The following LDB2 variants were observed in gnomAD, a reference collection of about 807,000 sequenced individuals.
LDB2 encodes the protein LIM domain-binding protein 2.
Under a neutral mutation model 44.3 loss-of-function variants are expected in LDB2, and 12 were observed. The ratio of observed to expected loss-of-function variants is 0.27; its 90% confidence interval spans 0.17 to 0.44. LDB2 has a LOEUF of 0.44. Ranked by LOEUF, LDB2 falls within the 20% of genes least tolerant of loss-of-function variation. LDB2 has a pLI of 1.00. For missense variants in LDB2, 344 were observed against 473.5 expected, an observed-to-expected ratio of 0.73 and a Z score of 2.54; for synonymous variants, 164 against 174.8, an observed-to-expected ratio of 0.94 and a Z score of 0.49.
At chr4:16,701,517 C>T (rs1753425854) in intron 2 of LDB2, among the ~76,000 whole-genome samples, 1 of 152,192 alleles carries the variant, frequency 6.6e-6, no homozygotes, top group East Asian at 1.9e-4. Flanking sequence ...CAAGGCTAAG[C>T]ATTTAGCATA....
chr4:16,888,273 C>G (rs531928951), intron 1 of LDB2, among the ~76,000 whole-genome samples: 20 of 152,314 alleles, frequency 1.3e-4, no homozygotes, highest in Non-Finnish European at 2.8e-4. Flanking sequence ...GAAAGGGAAC[C>G]TTTTAATGTT....
intron 1 of LDB2, among the ~76,000 whole-genome samples, chr4:16,763,004 A>G (rs1474093439): frequency 6.6e-6 from 1 of 151,988 alleles, no homozygotes; most frequent in East Asian, 1.9e-4. Flanking sequence ...TCAGTGGAAC[A>G]TGGGATGAAT....
rs1297189672 is a variant in LDB2 at position 16,674,199 on chromosome 4, C to T, written c.236-78324G>A. On this transcript the variant is annotated intron_variant, in intron 2 of 7. Transcript: ENST00000304523. ...AATTAGAAATAGATTAAATGAGGTA[C>T]CTTTGGTCAAACAGAAAAGCAATTA... is the stretch of plus-strand genomic sequence containing the variant. 8 of 1,265,404 alleles carry T rather than the reference C, an allele frequency of 6.3e-6. No homozygotes were observed. In the East Asian group the frequency reaches 4.5e-4, roughly 71 times the overall value. 78.4% of individuals were successfully genotyped at this position (1,265,404 alleles called of 1,614,324 possible). A position where few individuals can be genotyped will look rare whatever the true frequency, so the allele number is the denominator to read the frequency against.
At chr4:16,821,288 A>G (rs772104331) in intron 1 of LDB2, among the ~76,000 whole-genome samples, 1 of 152,228 alleles carries the variant, frequency 6.6e-6, no homozygotes, top group Non-Finnish European at 1.5e-5. Context: ...TTTTGGTATC[A>G]AGAGTGTTAT....
intron 5 of LDB2, among the ~76,000 whole-genome samples, chr4:16,571,582 C>T (rs1746549853): frequency 6.6e-6 from 1 of 152,126 alleles, no homozygotes; most frequent in African/African-American, 2.4e-5. Context: ...GGGATGTAAT[C>T]CCAGCCTGGC....
intron 5 of LDB2, chr4:16,581,495 T>G (rs2152418457): frequency 1.1e-6 from 1 of 921,720 alleles, no homozygotes; most frequent in Non-Finnish European, 1.3e-6. Context: ...ACACCTACTT[T>G]TGTTGGTACC....
At chr4:16,520,936 C>G (rs1005765766) in intron 5 of LDB2, among the ~76,000 whole-genome samples, 1 of 152,156 alleles carries the variant, frequency 6.6e-6, no homozygotes, top group Non-Finnish European at 1.5e-5. Context: ...CCATATCTTC[C>G]TGCCTGGGCA....
At chr4:16,716,261 GGCCTTCA>G (rs373795184) in intron 2 of LDB2, among the ~76,000 whole-genome samples, 116 of 152,248 alleles carry the variant, frequency 7.6e-4, no homozygotes, top group African/African-American at 2.5e-3. Flanking sequence ...CAGTATAGTG[GGCCTTCA>G]GCAAACCCAG....
intron 2 of LDB2, among the ~76,000 whole-genome samples, chr4:16,672,945 TTCTC>T (rs953430350): frequency 9.9e-5 from 15 of 151,082 alleles, no homozygotes; most frequent in African/African-American, 2.4e-4. Context: ...CTCTCCCTCC[TTCTC>T]TCTTTTTCCT....
chr4:16,801,726 T>C (rs535095885), intron 1 of LDB2, among the ~76,000 whole-genome samples: 2 of 152,346 alleles, frequency 1.3e-5, no homozygotes, highest in Non-Finnish European at 2.9e-5. Flanking sequence ...AAAATTTCAG[T>C]GTTTTATAGT....
At chr4:16,682,539 A>T (rs879945432) in intron 2 of LDB2, among the ~76,000 whole-genome samples, 1 of 152,150 alleles carries the variant, frequency 6.6e-6, no homozygotes, top group Non-Finnish European at 1.5e-5. Flanking sequence ...GTTTATTCTC[A>T]CCCTTCTGAA....
intron 5 of LDB2, among the ~76,000 whole-genome samples, chr4:16,532,228 C>T (rs1730396470): frequency 6.6e-6 from 1 of 152,076 alleles, no homozygotes; most frequent in Admixed American, 6.6e-5. Flanking sequence ...ATGTTTTCTT[C>T]GGGTCCACAC....
intron 2 of LDB2, among the ~76,000 whole-genome samples, chr4:16,741,798 C>T (rs1005015691): frequency 6.6e-6 from 1 of 152,126 alleles, no homozygotes; most frequent in Non-Finnish European, 1.5e-5. Flanking sequence ...AAGCACTTAT[C>T]AAAACTAAAA....
At chr4:16,574,911 T>A (rs1272430486) in intron 5 of LDB2, among the ~76,000 whole-genome samples, 3 of 152,206 alleles carry the variant, frequency 2.0e-5, no homozygotes, top group African/African-American at 4.8e-5. Context: ...AGGGGAAGCA[T>A]TAGGATTTGA....
At chr4:16,752,504 G>C in intron 2 of LDB2, 1 of 433,326 alleles carries the variant, frequency 2.3e-6, no homozygotes, top group South Asian at 1.7e-5. Context: ...CCCAAAACCA[G>C]AGTTCTTCCC....
chr4:16,840,648 G>A (rs1460264373), intron 1 of LDB2, among the ~76,000 whole-genome samples: 2 of 152,184 alleles, frequency 1.3e-5, no homozygotes, highest in Non-Finnish European at 2.9e-5. Context: ...TTCTGGCTCA[G>A]TCCCTTGTCA....
At chr4:16,754,111 T>G (rs1179335768) in intron 2 of LDB2, among the ~76,000 whole-genome samples, 1 of 152,182 alleles carries the variant, frequency 6.6e-6, no homozygotes, top group Non-Finnish European at 1.5e-5. Context: ...CCATGCCCAC[T>G]TACACATAGT....
chr4:16,800,556 GC>G (rs34107406), intron 1 of LDB2, among the ~76,000 whole-genome samples: 7,028 of 152,306 alleles, frequency 0.046, 252 homozygotes, highest in Non-Finnish European at 0.069. Flanking sequence ...ATTTTTCTCT[GC>G]ACAGTGACCC....
intron 2 of LDB2, among the ~76,000 whole-genome samples, chr4:16,603,032 T>C (rs7699474): frequency 1 from 152,166 of 152,320 alleles, 76,006 homozygotes; most frequent in Middle Eastern, 1. Flanking sequence ...GAACCCATTA[T>C]TTCGACATAT....
Sources: allele counts gnomAD v4.1 joint callset (sites outside exome capture counted in the v4.1 genomes callset), GRCh38; gene constraint gnomAD v4.1.1; transcripts MANE v1.5; gene names NCBI Gene and HGNC (gene_info 2026-07-23, HGNC 2026-07-21).